The following USP26 variants were observed in gnomAD, a reference collection of about 807,000 sequenced individuals.
The protein encoded by USP26 is ubiquitin specific peptidase 26, also known as ubiquitin carboxyl-terminal hydrolase 26.
For missense variants in USP26, 649 were observed against 642.3 expected, an observed-to-expected ratio of 1.01 and a Z score of -0.11; for synonymous variants, 236 against 240.6, an observed-to-expected ratio of 0.98 and a Z score of 0.18.
chrX:133,061,786 A>C (rs1220477626), intron 5 of USP26, among the ~76,000 whole-genome samples: 1 of 111,793 alleles, frequency 8.9e-6, no homozygotes, highest in Non-Finnish European at 1.9e-5. Context: ...GGGTTTCTGC[A>C]ATCCAGAGAT....
At chrX:133,060,130 T>A (rs933094793) in intron 5 of USP26, among the ~76,000 whole-genome samples, 1 of 111,834 alleles carries the variant, frequency 8.9e-6, no homozygotes, top group African/African-American at 3.3e-5. Context: ...ATTTAGTGTA[T>A]GAGAATAGTT....
chrX:133,093,250 T>G (rs2067613829), intron 1 of USP26, among the ~76,000 whole-genome samples: 1 of 111,251 alleles, frequency 9.0e-6, no homozygotes, highest in South Asian at 3.8e-4. Flanking sequence ...TTACTGCCAC[T>G]GCACTCCAGC....
intron 5 of USP26, among the ~76,000 whole-genome samples, chrX:133,062,649 G>A (rs1716612834): frequency 9.0e-6 from 1 of 111,231 alleles, no homozygotes; most frequent in Non-Finnish European, 1.9e-5. Context: ...ACAAATTGCA[G>A]CACACCTGCA....
intron 5 of USP26, among the ~76,000 whole-genome samples, chrX:133,079,829 A>T (rs952872488): frequency 1.8e-5 from 2 of 111,965 alleles, no homozygotes; most frequent in Admixed American, 1.9e-4. Flanking sequence ...CAATTAGGAA[A>T]TCACTTCTTG....
intron 4 of USP26, among the ~76,000 whole-genome samples, chrX:133,085,755 T>A (rs1479734941): frequency 2.7e-5 from 3 of 111,763 alleles, no homozygotes; most frequent in Non-Finnish European, 3.8e-5. Context: ...GAGTCAGATA[T>A]CTGAATGAGA....
chrX:133,057,064 T>G (rs763578365), intron 5 of USP26, among the ~76,000 whole-genome samples: 10 of 110,394 alleles, frequency 9.1e-5, no homozygotes, highest in Non-Finnish European at 1.9e-4. Flanking sequence ...CAATCACTAT[T>G]CATTTAAAAA....
At chrX:133,094,757 A>G (rs1303406590) in intron 1 of USP26, among the ~76,000 whole-genome samples, 1 of 111,991 alleles carries the variant, frequency 8.9e-6, no homozygotes, top group African/African-American at 3.2e-5. Flanking sequence ...GTCCTAAAAC[A>G]AGCTCTCAGG....
At chrX:133,046,633 G>A (rs947542869) in intron 5 of USP26, among the ~76,000 whole-genome samples, 1 of 101,126 alleles carries the variant, frequency 9.9e-6, no homozygotes, top group Non-Finnish European at 2.0e-5. Context: ...TGTGTGAGAC[G>A]AGAGAGAGAG....
intron 5 of USP26, among the ~76,000 whole-genome samples, chrX:133,070,131 A>G (rs762693809): frequency 1.0e-3 from 117 of 111,939 alleles, no homozygotes; most frequent in Non-Finnish European, 1.9e-3. Flanking sequence ...ATAATGGTCA[A>G]GCTAGTATAT....
At chrX:133,036,832 C>G (rs907193195) in intron 5 of USP26, among the ~76,000 whole-genome samples, 7 of 112,469 alleles carry the variant, frequency 6.2e-5, no homozygotes, top group African/African-American at 2.3e-4. Context: ...GCATCCTTGA[C>G]AGCATCTGTT....
At chrX:133,061,414 T>C (rs372825133) in intron 5 of USP26, among the ~76,000 whole-genome samples, 149 of 112,584 alleles carry the variant, frequency 1.3e-3, no homozygotes, top group Middle Eastern at 4.6e-3. Context: ...CACGCCCCCA[T>C]CTGTCACTTT....
Position 133,027,637 on chromosome X carries a change from A to G in USP26, c.584T>C (p.Leu195Ser). 2 of 1,210,766 alleles carry G rather than the reference A, an allele frequency of 1.7e-6. No individual in the cohort carries two copies. The highest frequency in any genetic ancestry group is 2.2e-6 in the Non-Finnish European group (2 of 894,803). The change falls in exon 6 of 6, where the codon TTG becomes TCG. Residue 195 changes from leucine to serine, a missense_variant. Coordinates refer to ENST00000511190, the MANE Select transcript of USP26 (RefSeq NM_031907.3). ...SSSSEMNEEF[L>S]KENNSVEYKK... Reference sequence around the variant, plus strand: ...GTATTCTACAGAATTATTTTCTTTCAAGAATTCCTCATTCATCTCTGAGCT... The same window carrying G: ...GTATTCTACAGAATTATTTTCTTTCGAGAATTCCTCATTCATCTCTGAGCT...
In USP26 at chrX:133,028,178, A is replaced by G; in HGVS notation, c.43T>C (p.Cys15Arg). The change falls in exon 6 of 6, where the codon TGC becomes CGC. Residue 15 changes from cysteine (C) to arginine (R), a missense_variant. Physicochemically the swap from Cys to Arg is radical, Grantham distance 180. Transcript: ENST00000511190. Reference sequence around the variant, plus strand: ...TTTGACTTAGATATCCCAGTCTTGCAGTTCCCTATTTGGACAAAACCACGT... The same window carrying G: ...TTTGACTTAGATATCCCAGTCTTGCGGTTCCCTATTTGGACAAAACCACGT... ...FLRGFVQIGN[C>R]KTGISKSKEA... The G allele has an allele frequency of 8.3e-7, 1 of 1,210,156 alleles. No individual in the cohort carries two copies.
intron 5 of USP26, among the ~76,000 whole-genome samples, chrX:133,029,412 T>C (rs1444004348): frequency 1.8e-5 from 2 of 112,243 alleles, no homozygotes; most frequent in African/African-American, 6.5e-5. Context: ...TTCAGCGAAA[T>C]AGAGATGGCA....
In USP26 at chrX:133,025,886, T is replaced by G. The variant is rs1602964509; in HGVS notation, c.2335A>C (p.Asn779His). 10 of 1,211,605 alleles carry G rather than the reference T, an allele frequency of 8.3e-6. No individual in the cohort carries two copies. Among genetic ancestry groups the G allele is most frequent in the African/African-American group, 5.2e-5 (3 of 57,785 alleles). The change falls in exon 6 of 6, where the codon AAT (asparagine) becomes CAT (histidine). Residue 779 changes from asparagine to histidine, a missense_variant. Asn to His is a moderately conservative substitution (Grantham distance 68). Transcript: ENST00000511190. ...TKNLLRPTKL[N>H]LQKSNRNSLL... ...GAATTCCTGTTAGACTTCTGTAGAT[T>G]TAATTTTGTAGGTCTTAGGAGGTTC...
At chrX:133,045,673 C>T (rs1022852100) in intron 5 of USP26, among the ~76,000 whole-genome samples, 29 of 111,185 alleles carry the variant, frequency 2.6e-4, no homozygotes, top group African/African-American at 7.2e-4. Context: ...TCTGCAGCTT[C>T]GCTCCTGAGC....
intron 5 of USP26, among the ~76,000 whole-genome samples, chrX:133,036,120 A>ATT (rs2067394935): frequency 2.3e-5 from 2 of 87,870 alleles, no homozygotes; most frequent in Non-Finnish European, 5.2e-5. Context: ...CTCTAAAAAA[A>ATT]ATTATATATA....
chrX:133,065,021 A>G (rs982185383), intron 5 of USP26, among the ~76,000 whole-genome samples: 24 of 111,675 alleles, frequency 2.1e-4, no homozygotes, highest in Non-Finnish European at 2.8e-4. Flanking sequence ...TCAAATAGAC[A>G]CAATAAAAAA....
chrX:133,088,943 GTT>G (rs747353965), intron 4 of USP26, among the ~76,000 whole-genome samples: 1 of 99,059 alleles, frequency 1.0e-5, no homozygotes. Flanking sequence ...TTTAGGTAGA[GTT>G]TTTTTTTTTT....
Sources: gnomAD v4.1 joint callset for allele counts (sites outside exome capture counted in the v4.1 genomes callset) on GRCh38, gnomAD v4.1.1 for gene constraint, MANE v1.5 for transcripts, NCBI Gene and HGNC (gene_info 2026-07-23, HGNC 2026-07-21) for gene names.